EVC2: variants seen among roughly 807,000 people sequenced by gnomAD.
The protein encoded by EVC2 is EvC ciliary complex subunit 2, also known as limbin.
Under a neutral mutation model 149.3 loss-of-function variants are expected in EVC2, and 148 were observed. That is an observed-to-expected ratio of 0.99 (90% CI 0.87 to 1.14). The LOEUF is 1.14. EVC2 is among the 50% of genes most tolerant of loss of function. The pLI is 0.00. For synonymous variants in EVC2, 776 were observed against 649.9 expected, an observed-to-expected ratio of 1.19 and a Z score of -2.95; for missense variants, 1,854 against 1,627.3, an observed-to-expected ratio of 1.14 and a Z score of -2.40.
At position 5,622,510 on chromosome 4, in the gene EVC2, G is replaced by A. The variant is rs374233526; in HGVS notation, c.2501+27C>T. ...CCTGGCATCAACGGGATGGGGAGGG[G>A]TGATTACGACCCGCAAAGGCACTCA... is the stretch of plus-strand genomic sequence containing the variant. On this transcript the variant is annotated intron_variant, in intron 14 of 21. Coordinates refer to ENST00000344408, the MANE Select transcript of EVC2 (RefSeq NM_147127.5). The surrounding 1 kb of genome is among the most constrained non-coding windows in gnomAD (Gnocchi z 5.8). 3.1e-6 allele frequency: 5 copies of A among 1,608,618 alleles called. No individual in the cohort carries two copies. In the African/African-American group the frequency reaches 5.4e-5, roughly 17 times the overall value.
chr4:5,576,020 C>T lies in EVC2; in HGVS notation c.3272+220G>A, dbSNP rs62297462. Among the ~76,000 whole-genome samples, 44,186 of 152,022 alleles carry T rather than the reference C, an allele frequency of 0.29. 7,929 individuals are homozygous for T. The highest frequency in any genetic ancestry group is 0.86 in the East Asian group (4,438 of 5,170). The stretch of plus-strand genomic sequence containing the variant: ...CAAAATAAAAAGTTTAAAAATATTA[C>T]GTTTGGTAAAACTTCAATGATATTA... On this transcript the variant is annotated intron_variant, in intron 18 of 21. Transcript: ENST00000344408. This position sits in a 1 kb window ranked among gnomAD's most constrained non-coding sequence, Gnocchi z 4.5.
downstream of EVC2, among the ~76,000 whole-genome samples, chr4:5,540,962 G>A (rs951354737): frequency 6.6e-6 from 1 of 152,038 alleles, no homozygotes; most frequent in African/African-American, 2.4e-5. Context: ...AGCCCTTTAG[G>A]TTTTAGGCTC....
rs1390441041 is a variant in EVC2 at position 5,625,516 on chromosome 4, T to C, written c.2046+233A>G. ...ATTCCCTTGCCCATGCAGACATTAC[T>C]AGTCTATTGTGACCCTCTGCTGTGC... On this transcript the variant is annotated intron_variant, in intron 13 of 21. Coordinates refer to ENST00000344408, the MANE Select transcript of EVC2 (RefSeq NM_147127.5). This position sits in a 1 kb window ranked among gnomAD's most constrained non-coding sequence, Gnocchi z 4.0. 6.6e-6 allele frequency among the ~76,000 whole-genome samples: 1 copy of C among 152,244 alleles called. No individual in the cohort carries two copies. The highest frequency in any genetic ancestry group is 1.5e-5 in the Non-Finnish European group (1 of 68,054).
intron 21 of EVC2, among the ~76,000 whole-genome samples, chr4:5,554,266 C>T (rs1269834457): frequency 6.6e-6 from 1 of 152,164 alleles, no homozygotes; most frequent in South Asian, 2.1e-4. Flanking sequence ...TATAGCGTCA[C>T]AGCTGTGACC....
At chr4:5,676,474 A>G (rs1209788452) in intron 7 of EVC2, among the ~76,000 whole-genome samples, 1 of 152,138 alleles carries the variant, frequency 6.6e-6, no homozygotes, top group African/African-American at 2.4e-5. Flanking sequence ...CATCGCCATC[A>G]CACCTGTCTG....
intron 12 of EVC2, among the ~76,000 whole-genome samples, chr4:5,627,049 G>C (rs1054455359): frequency 6.6e-6 from 1 of 152,104 alleles, no homozygotes; most frequent in Non-Finnish European, 1.5e-5. Context: ...AACAGCAAAC[G>C]ATGCTGTCTA....
At chr4:5,578,615 T>C (rs1267671188) in intron 17 of EVC2, among the ~76,000 whole-genome samples, 1 of 151,296 alleles carries the variant, frequency 6.6e-6, no homozygotes, top group Non-Finnish European at 1.5e-5. Context: ...AATGAATGAA[T>C]ACATACATAG....
chr4:5,533,576 A>G, the EVC2 span, among the ~76,000 whole-genome samples: 1 of 152,196 alleles, frequency 6.6e-6, no homozygotes, highest in Non-Finnish European at 1.5e-5. Flanking sequence ...GACTGGAGAG[A>G]TTAAGATGCT....
chr4:5,570,070 A>G (rs1722555566), intron 19 of EVC2, among the ~76,000 whole-genome samples: 1 of 152,146 alleles, frequency 6.6e-6, no homozygotes, highest in Admixed American at 6.5e-5. Context: ...CTTCTGGGTC[A>G]GGTGTCCCTC....
chr4:5,583,452 G>A (rs1396705544), intron 17 of EVC2, among the ~76,000 whole-genome samples: 1 of 152,284 alleles, frequency 6.6e-6, no homozygotes, highest in East Asian at 1.9e-4. Context: ...CTTTGGCAAT[G>A]CTCATCTACG....
rs1411422943 is a variant in EVC2 at position 5,679,998 on chromosome 4, C to T, written c.870+1262G>A. 6.6e-6 allele frequency among the ~76,000 whole-genome samples: 1 copy of T among 152,094 alleles called. No individual in the cohort carries two copies. Among genetic ancestry groups the T allele is most frequent in the Non-Finnish European group, 1.5e-5 (1 of 68,018 alleles). On this transcript the variant is annotated intron_variant, in intron 7 of 21. Transcript: ENST00000344408. This position sits in a 1 kb window ranked among gnomAD's most constrained non-coding sequence, Gnocchi z 5.1. ...TTAAACTTTTTGTTAAAAACTAAGACACACATTAGCCTAGTCCTGCACAGC... is the reference window on the plus strand; with the variant it reads ...TTAAACTTTTTGTTAAAAACTAAGATACACATTAGCCTAGTCCTGCACAGC...
chr4:5,612,801 A>G (rs551222495), intron 16 of EVC2, among the ~76,000 whole-genome samples: 42 of 151,772 alleles, frequency 2.8e-4, no homozygotes, highest in Non-Finnish European at 5.6e-4. Flanking sequence ...GGGCGCCTGT[A>G]GTCCCAGCTA....
chr4:5,571,113 T>G (rs1018445645), intron 19 of EVC2, among the ~76,000 whole-genome samples: 3 of 151,756 alleles, frequency 2.0e-5, no homozygotes, highest in African/African-American at 7.3e-5. Context: ...GTCAGGAGTT[T>G]GAGACCAGTC....
intron 16 of EVC2, among the ~76,000 whole-genome samples, chr4:5,601,094 G>C (rs1039974778): frequency 6.6e-6 from 1 of 152,110 alleles, no homozygotes; most frequent in African/African-American, 2.4e-5. Context: ...AAGATCTAAA[G>C]ATACTCACAC....
intron 16 of EVC2, among the ~76,000 whole-genome samples, chr4:5,605,504 TAGATA>T (rs1449969975): frequency 1.3e-5 from 2 of 152,090 alleles, no homozygotes; most frequent in Non-Finnish European, 2.9e-5. Context: ...GATGGATGGA[TAGATA>T]AGATAGATAG....
At chr4:5,557,687 C>A (rs547034780), downstream of EVC2, among the ~76,000 whole-genome samples, 3 of 152,084 alleles carry the variant, frequency 2.0e-5, no homozygotes, top group African/African-American at 7.2e-5. Context: ...AAACAAAAAA[C>A]CCCCAAAACT....
chr4:5,689,302 C>T lies in EVC2; in HGVS notation c.561G>A (p.Leu187=), dbSNP rs1406566540. Residue 187 remains leucine, a synonymous_variant, in exon 5 of 22, where the codon CTG becomes CTA. Coordinates refer to ENST00000344408, the MANE Select transcript of EVC2 (RefSeq NM_147127.5). ...AGGTTGTCTTGGTGTTGTTAACAAG[C>T]AGCCATATGCGGGCTGTCTGTGCTT... ...SSEAQTARIW[L]LVNNTKTTSS... 6.2e-7 allele frequency: 1 copy of T among 1,614,066 alleles called. No homozygotes were observed. Among genetic ancestry groups the T allele is most frequent in the Non-Finnish European group, 8.5e-7 (1 of 1,180,052 alleles).
intron 10 of EVC2, among the ~76,000 whole-genome samples, chr4:5,632,775 T>A (rs978477382): frequency 1.3e-5 from 2 of 152,124 alleles, no homozygotes; most frequent in African/African-American, 4.8e-5. Context: ...CTGATCCATT[T>A]GCATACGGCC....
chr4:5,545,367 T>C (rs1214564285), intron 21 of EVC2, among the ~76,000 whole-genome samples: 1 of 152,178 alleles, frequency 6.6e-6, no homozygotes, highest in Non-Finnish European at 1.5e-5. Context: ...ACAGATGAGT[T>C]AGAAGCCTGA....
Sources: gnomAD v4.1 joint callset for allele counts (sites outside exome capture counted in the v4.1 genomes callset) on GRCh38, gnomAD v4.1.1 for gene constraint, Gnocchi (gnomAD v3.1) non-coding constraint, MANE v1.5 for transcripts, NCBI Gene and HGNC (gene_info 2026-07-23, HGNC 2026-07-21) for gene names.